RASA2: variants seen among roughly 807,000 people sequenced by gnomAD.
RASA2 encodes RAS p21 protein activator 2, also known as ras GTPase-activating protein 2.
In RASA2, 155 loss-of-function variants were observed where a neutral mutation model predicts 118.2. The ratio of observed to expected loss-of-function variants is 1.31; its 90% CI spans 1.15 to 1.50. The LOEUF (loss-of-function observed/expected upper bound fraction) is 1.50. RASA2 is among the 40% of genes most tolerant of loss of function. The pLI is 0.00. For missense variants in RASA2, 1,016 were observed against 1,009.6 expected (o/e 1.01, Z -0.09); for synonymous variants, 353 against 349.1 (o/e 1.01, Z -0.12).
chr3:141,504,985 A>C (rs1434976930), intron 1 of RASA2, among the ~76,000 whole-genome samples: 1 of 152,018 alleles, frequency 6.6e-6, no homozygotes, highest in Non-Finnish European at 1.5e-5. Flanking sequence ...TTATACCCTC[A>C]ATGACTTCCT....
At chr3:141,558,690 AT>A (rs34856565) in intron 7 of RASA2, among the ~76,000 whole-genome samples, 195 bp from the exon 8 acceptor site, 25 of 150,264 alleles carry the variant, frequency 1.7e-4, no homozygotes, top group African/African-American at 4.1e-4. Context: ...TATTATTTTG[AT>A]TTTTTTTTTA....
intron 9 of RASA2, among the ~76,000 whole-genome samples, chr3:141,563,598 T>C (rs1186467447): frequency 6.6e-6 from 1 of 152,202 alleles, no homozygotes; most frequent in Non-Finnish European, 1.5e-5. Flanking sequence ...CTATTCTAAG[T>C]ACTTTACTTA....
intron 1 of RASA2, among the ~76,000 whole-genome samples, chr3:141,506,119 C>G (rs940550913): frequency 6.6e-6 from 1 of 152,160 alleles, no homozygotes; most frequent in Non-Finnish European, 1.5e-5. Flanking sequence ...GTAATGTACA[C>G]TAGAAAAGTG....
chr3:141,547,793 C>G (rs988550322), intron 5 of RASA2, among the ~76,000 whole-genome samples: 1 of 152,088 alleles, frequency 6.6e-6, no homozygotes, highest in Non-Finnish European at 1.5e-5. Context: ...CAGTTGTTCC[C>G]CATTCAGTAT....
chr3:141,489,578 C>G (rs894903330), intron 1 of RASA2, among the ~76,000 whole-genome samples: 2 of 152,186 alleles, frequency 1.3e-5, no homozygotes, highest in Non-Finnish European at 2.9e-5. Flanking sequence ...AGATTTTATA[C>G]TACTGATTGA....
At chr3:141,562,950 C>A (rs141547565) in intron 9 of RASA2, among the ~76,000 whole-genome samples, 1 of 152,166 alleles carries the variant, frequency 6.6e-6, no homozygotes, top group Non-Finnish European at 1.5e-5. Context: ...GGATTACAGG[C>A]GTGAGCCACC....
intron 5 of RASA2, among the ~76,000 whole-genome samples, chr3:141,550,650 C>G (rs182285135): frequency 6.6e-6 from 1 of 152,232 alleles, no homozygotes; most frequent in East Asian, 1.9e-4. Context: ...ATTGCCTGTA[C>G]CTTGTGCATT....
chr3:141,530,173 A>G (rs1326882403), intron 4 of RASA2, among the ~76,000 whole-genome samples: 1 of 152,024 alleles, frequency 6.6e-6, no homozygotes, highest in Non-Finnish European at 1.5e-5. Flanking sequence ...GTCTGTCTTG[A>G]TTCTCTGTTT....
intron 9 of RASA2, among the ~76,000 whole-genome samples, chr3:141,569,182 T>A (rs907263153): frequency 2.6e-5 from 4 of 152,146 alleles, no homozygotes; most frequent in African/African-American, 9.6e-5. Flanking sequence ...ACAGTTAAGT[T>A]TTTTTCCTGG....
chr3:141,524,266 C>G lies in RASA2; in HGVS notation c.356-5442C>G, dbSNP rs573587507. Among the ~76,000 whole-genome samples, 20 of 152,176 alleles carry G rather than the reference C, an allele frequency of 1.3e-4. No homozygotes were observed. In the South Asian group the frequency reaches 4.1e-3, roughly 32 times the overall value. ...CTGGACCTTCCTCACCACATGGTCTCCTGATTGGTTCTAAGAAGGCAAGCC... is the reference window on the plus strand; with the variant it reads ...CTGGACCTTCCTCACCACATGGTCTGCTGATTGGTTCTAAGAAGGCAAGCC... On this transcript the variant is annotated intron_variant, in intron 3 of 23. Transcript: ENST00000286364.
chr3:141,547,369 A>T (rs2082500552), intron 5 of RASA2, among the ~76,000 whole-genome samples: 1 of 152,018 alleles, frequency 6.6e-6, no homozygotes, highest in African/African-American at 2.4e-5. Context: ...GTCCTCTTCA[A>T]TTTCCTGCAT....
In RASA2 at chr3:141,556,058, T is replaced by G; in HGVS notation, c.684+146T>G. The G allele has an allele frequency of 4.7e-6, 3 of 643,192 alleles. No homozygotes were observed. The South Asian group carries it at 5.9e-5, about 13-fold the overall frequency. The allele number at this position is 643,192 out of a possible 1,614,324, so 39.8% of individuals were successfully genotyped here. On this transcript the variant is annotated intron_variant, in intron 7 of 23. Transcript: ENST00000286364. ...TCTCCTGAAAGCAGTAGAACCATGG[T>G]GTGATGCAATGGATGCCCAATATAT...
chr3:141,564,643 C>T (rs984953999), intron 9 of RASA2, among the ~76,000 whole-genome samples: 21 of 152,142 alleles, frequency 1.4e-4, no homozygotes, highest in Non-Finnish European at 2.2e-4. Context: ...TCTGTACTCA[C>T]CACAACGCCT....
At chr3:141,592,993 A>G (rs1418634433) in intron 19 of RASA2, among the ~76,000 whole-genome samples, 1 of 152,076 alleles carries the variant, frequency 6.6e-6, no homozygotes, top group Non-Finnish European at 1.5e-5. Context: ...TTAGCAGAAT[A>G]TATATATAGC....
intron 19 of RASA2, among the ~76,000 whole-genome samples, chr3:141,593,105 T>C (rs1351588641): frequency 7.9e-5 from 12 of 152,172 alleles, no homozygotes; most frequent in Non-Finnish European, 1.8e-4. Context: ...TGGAGTGCAG[T>C]GGTGCAATCT....
intron 9 of RASA2, among the ~76,000 whole-genome samples, chr3:141,561,665 CAAG>C (rs1293855128): frequency 6.6e-6 from 1 of 152,168 alleles, no homozygotes. Flanking sequence ...CATGAAAACT[CAAG>C]AAAAGATTTA....
intron 5 of RASA2, among the ~76,000 whole-genome samples, chr3:141,548,207 T>A (rs1177779700): frequency 6.6e-6 from 1 of 152,180 alleles, no homozygotes; most frequent in African/African-American, 2.4e-5. Flanking sequence ...TAGGATGAAT[T>A]TGGAAGTGTT....
intron 1 of RASA2, among the ~76,000 whole-genome samples, chr3:141,508,178 G>T (rs2081897379): frequency 1.3e-5 from 2 of 151,920 alleles, no homozygotes; most frequent in African/African-American, 4.8e-5. Flanking sequence ...TAAGTGGTCT[G>T]TGGATACCGA....
chr3:141,499,365 A>C (rs927006403), intron 1 of RASA2, among the ~76,000 whole-genome samples: 1 of 152,206 alleles, frequency 6.6e-6, no homozygotes, highest in Non-Finnish European at 1.5e-5. Context: ...TAATACCACT[A>C]TACAGGATTG....
Sources: gnomAD v4.1 joint callset for allele counts (sites outside exome capture counted in the v4.1 genomes callset) on GRCh38, gnomAD v4.1.1 for gene constraint, MANE v1.5 for transcripts, NCBI Gene and HGNC (gene_info 2026-07-23, HGNC 2026-07-21) for gene names.